ACTG1: variants seen among roughly 807,000 people sequenced by gnomAD.
The protein encoded by ACTG1 is actin gamma 1.
In ACTG1, 14 loss-of-function variants were observed where a neutral mutation model predicts 34.3. The ratio of observed to expected loss-of-function variants is 0.41; its 90% confidence interval spans 0.27 to 0.64. ACTG1 has a LOEUF of 0.64. Among genes scored for constraint, ACTG1 ranks in the 30% least tolerant of loss-of-function variants. ACTG1 has a pLI of 0.33. For synonymous variants in ACTG1, 422 were observed against 213.9 expected (o/e 1.97, Z -8.49); for missense variants, 233 against 529.5 (o/e 0.44, Z 5.50).
chr17:81,511,775 G>A (rs782478720), intron 3 of ACTG1, 128 bp downstream of exon 3: 32 of 1,556,082 alleles, frequency 2.1e-5, no homozygotes, highest in African/African-American at 1.1e-4. Flanking sequence ...GGAGGCTTCA[G>A]GGAGGAAATG....
chr17:81,511,698 A>C, intron 3 of ACTG1, 72 bp from the exon 4 acceptor site: 1 of 1,542,260 alleles, frequency 6.5e-7, no homozygotes, highest in Non-Finnish European at 8.9e-7. Context: ...ACGCCACAAC[A>C]TGCTGCATGC....
At chr17:81,511,135 A>C in intron 4 of ACTG1, 27 bp from the exon 5 acceptor site, 1 of 1,613,792 alleles carries the variant, frequency 6.2e-7, no homozygotes, top group Non-Finnish European at 8.5e-7. Flanking sequence ...TCCCTTAGTG[A>C]TGCTGTGTCA....
intron 4 of ACTG1, 37 bp downstream of exon 4, chr17:81,511,151 G>C (rs371063696): frequency 8.1e-6 from 13 of 1,613,648 alleles, no homozygotes; most frequent in Admixed American, 1.7e-5. Flanking sequence ...TGTCACCGAG[G>C]ATGTAAGAGT....
In ACTG1 at chr17:81,512,247, C is replaced by A. The variant is rs1555667207; in HGVS notation, c.108G>T (p.Gly36=). Residue 36 remains glycine (G), a synonymous_variant, in exon 2 of 6, where the codon GGG becomes GGT. Transcript: ENST00000573283. ...ATCCACTCACCTGGTGTCTGGGGCG[C>A]CCGACGATGGAAGGAAACACGGCTC... ...APRAVFPSIV[G]RPRHQGVMVG... 6.2e-7 allele frequency: 1 copy of A among 1,613,724 alleles called. No individual in the cohort carries two copies. The highest frequency in any genetic ancestry group is 2.2e-5 in the East Asian group (1 of 44,874).
intron 1 of ACTG1, 120 bp from the exon 2 acceptor site, chr17:81,512,480 T>C (rs2031875644): frequency 6.5e-7 from 1 of 1,542,446 alleles, no homozygotes; most frequent in Admixed American, 1.7e-5. Flanking sequence ...GGCCGTGGCC[T>C]CCAAGATCGC....
intron 3 of ACTG1, 93 bp from the exon 4 acceptor site, chr17:81,511,719 T>C (rs782341825): frequency 2.0e-6 from 3 of 1,514,494 alleles, no homozygotes; most frequent in Non-Finnish European, 2.7e-6. Flanking sequence ...CAGTGTGATG[T>C]GTGGAGAAAA....
chr17:81,511,344 G>C lies in ACTG1; in HGVS notation c.646C>G (p.Leu216Val). 1 of 1,613,934 alleles carries C rather than the reference G, an allele frequency of 6.2e-7. No homozygotes were observed. Among genetic ancestry groups the C allele is most frequent in the Non-Finnish European group, 8.5e-7 (1 of 1,180,040 alleles). The change falls in exon 4 of 6, where the codon CTG (leucine) becomes GTG (valine). Residue 216 changes from leucine (L) to valine (V), a missense_variant. By Grantham distance (32) the Leu-to-Val change is conservative. Coordinates refer to ENST00000573283, the MANE Select transcript of ACTG1 (RefSeq NM_001614.5). The stretch of plus-strand genomic sequence containing the variant: ...TCGAAGTCCAGGGCGACGTAGCACA[G>C]CTTCTCCTTGATGTCGCGCACGATT... ...REIVRDIKEK[L>V]CYVALDFEQE...
rs1555666644 is a variant in ACTG1 at position 81,511,282 on chromosome 17, C to T, written c.708G>A (p.Leu236=). 2 of 1,613,718 alleles carry T rather than the reference C, an allele frequency of 1.2e-6. No individual in the cohort carries two copies. Among genetic ancestry groups the T allele is most frequent in the Non-Finnish European group, 1.7e-6 (2 of 1,180,052 alleles). Residue 236 remains leucine (L), a synonymous_variant, in exon 4 of 6, where the codon CTG becomes CTA. Coordinates refer to ENST00000573283, the MANE Select transcript of ACTG1 (RefSeq NM_001614.5). ...EMATAASSSS[L]EKSYELPDGQ... The stretch of plus-strand genomic sequence containing the variant: ...CATCGGGCAGCTCGTAGCTCTTCTC[C>T]AGAGAAGAGGAGGATGCGGCGGTGG...
In ACTG1 at chr17:81,510,082, GA is replaced by G; in HGVS notation, c.*607del. 1 of 457,400 alleles carries G rather than the reference GA, an allele frequency of 2.2e-6. No individual in the cohort carries two copies. Among genetic ancestry groups the G allele is most frequent in the Non-Finnish European group, 4.3e-6 (1 of 230,724 alleles). The allele number at this position is 457,400 out of a possible 1,614,324, so 28.3% of individuals were successfully genotyped here. On this transcript the variant is annotated 3_prime_UTR_variant, in exon 6 of 6. Transcript: ENST00000573283. ...TTTGTTGTCATCTCTTCAAAGAATC[GA>G]GAATTGCGTACAAAAAAAACCTTAC...
rs1278073355 is a variant in ACTG1 at position 81,510,037 on chromosome 17, A to AT, written c.*652dup. 5 of 448,686 alleles carry AT rather than the reference A, an allele frequency of 1.1e-5. No homozygotes were observed. The highest frequency in any genetic ancestry group is 4.0e-5 in the African/African-American group (2 of 49,554). The allele number at this position is 448,686 out of a possible 1,614,324, so 27.8% of individuals were successfully genotyped here. On this transcript the variant is annotated 3_prime_UTR_variant, in exon 6 of 6. Coordinates refer to ENST00000573283, the MANE Select transcript of ACTG1 (RefSeq NM_001614.5). The stretch of plus-strand genomic sequence containing the variant: ...TGTTGCTGGGGCCTAATGTTCTCAC[A>AT]TAACAGTAGAAAACCAAAATTTGTT...
In ACTG1 at chr17:81,512,473, C is replaced by T; in HGVS notation, c.-6-113G>A. 5.1e-6 allele frequency: 8 copies of T among 1,575,278 alleles called. No homozygotes were observed. In the South Asian group the frequency reaches 7.8e-5, roughly 15 times the overall value. ...TCGGCCCTGCCCCAACCCCAGCGGC[C>T]GTGGCCTCCAAGATCGCAACCGCCT... On this transcript the variant is annotated intron_variant, in intron 1 of 5. Coordinates refer to ENST00000573283, the MANE Select transcript of ACTG1 (RefSeq NM_001614.5).
rs782371233 is a variant in ACTG1, at chr17:81,510,948, C to T, written c.963G>A (p.Ala321=). Residue 321 remains alanine, a synonymous_variant, in exon 5 of 6, where the codon GCG becomes GCA. Transcript: ENST00000573283. ...TCACCTTGATCTTCATGGTGCTGGG[C>T]GCCAGGGCGGTGATCTCCTTCTGCA... ...DRMQKEITAL[A]PSTMKIKIIA... The T allele has an allele frequency of 6.2e-6, 10 of 1,613,970 alleles. No homozygotes were observed. Among genetic ancestry groups the T allele is most frequent in the Admixed American group, 3.3e-5 (2 of 59,996 alleles).
chr17:81,512,548 C>A, intron 1 of ACTG1, 186 bp downstream of exon 1: 1 of 952,746 alleles, frequency 1.0e-6, no homozygotes, highest in Non-Finnish European at 1.6e-6. Context: ...CGGAAGTCTG[C>A]ACTGCGGCCG....
At chr17:81,511,135 A>T (rs1260304745) in intron 4 of ACTG1, 27 bp from the exon 5 acceptor site, 3 of 1,613,674 alleles carry the variant, frequency 1.9e-6, no homozygotes, top group Non-Finnish European at 2.5e-6. Context: ...TCCCTTAGTG[A>T]TGCTGTGTCA....
Position 81,510,404 on chromosome 17 carries a change from C to T in ACTG1, c.*286G>A, listed in dbSNP as rs552273757. On this transcript the variant is annotated 3_prime_UTR_variant, in exon 6 of 6. Coordinates refer to ENST00000573283, the MANE Select transcript of ACTG1 (RefSeq NM_001614.5). ...TTGTCTTCCACAAGCACGTTCTTACCTTAGCCACGAAGTGACCAAGCCACA... is the reference window on the plus strand; with the variant it reads ...TTGTCTTCCACAAGCACGTTCTTACTTTAGCCACGAAGTGACCAAGCCACA... The T allele has an allele frequency of 8.3e-5, 44 of 531,542 alleles. No individual in the cohort carries two copies. The Admixed American group carries it at 8.6e-4, about 10-fold the overall frequency. 32.9% of individuals were successfully genotyped at this position (531,542 alleles called of 1,614,324 possible).
rs782205549 is a variant in ACTG1 at position 81,511,896 on chromosome 17, G to C, written c.363+7C>G. 8.9e-5 allele frequency: 144 copies of C among 1,613,998 alleles called. 1 individual carries two copies. In the Admixed American group the frequency reaches 2.3e-3, roughly 26 times the overall value. ...CGGGAGGAGCACGGGCGTCGGCCGA[G>C]CCTCACCTGAGTCATCTTCTCTCTG... On this transcript the variant is annotated splice_region_variant and intron_variant, in intron 3 of 5. Transcript: ENST00000573283.
At position 81,510,380 on chromosome 17, in the gene ACTG1, T is replaced by TG; in HGVS notation, c.*309dup. 2 of 482,252 alleles carry TG rather than the reference T, an allele frequency of 4.1e-6. No individual in the cohort carries two copies. The highest frequency in any genetic ancestry group is 7.8e-6 in the Non-Finnish European group (2 of 256,628). The allele number at this position is 482,252 out of a possible 1,614,324, so 29.9% of individuals were successfully genotyped here. A position where few individuals can be genotyped will look rare whatever the true frequency, so the allele number is the denominator to read the frequency against. On this transcript the variant is annotated 3_prime_UTR_variant, in exon 6 of 6. Transcript: ENST00000573283. ...ACACAGACTCACCAAGCCACAGACTTGTCTTCCACAAGCACGTTCTTACCT... is the reference window on the plus strand; with the variant it reads ...ACACAGACTCACCAAGCCACAGACTTGGTCTTCCACAAGCACGTTCTTACCT...
chr17:81,512,676 G>C, intron 1 of ACTG1, 58 bp downstream of exon 1: 1 of 404,244 alleles, frequency 2.5e-6, no homozygotes, highest in Non-Finnish European at 4.6e-6. Context: ...GGGGCCAGCC[G>C]GGGTCGGGGG....
At chr17:81,512,464 C>A in intron 1 of ACTG1, 104 bp from the exon 2 acceptor site, 1 of 1,592,492 alleles carries the variant, frequency 6.3e-7, no homozygotes, top group Non-Finnish European at 8.6e-7. Context: ...CTGCCCCAAC[C>A]CCAGCGGCCG....
Sources: gnomAD v4.1 joint callset for allele counts on GRCh38, gnomAD v4.1.1 for gene constraint, MANE v1.5 for transcripts, NCBI Gene and HGNC (gene_info 2026-07-23, HGNC 2026-07-21) for gene names.